The following SUGCT variants were observed in gnomAD, a reference collection of about 807,000 sequenced individuals.
SUGCT encodes succinyl-CoA:glutarate CoA-transferase.
Under a neutral mutation model 55.0 loss-of-function variants are expected in SUGCT, and 41 were observed. That is an observed-to-expected ratio of 0.74 (90% CI 0.58 to 0.97). The LOEUF is 0.97. SUGCT is among the 50% of genes least tolerant of loss of function. SUGCT has a pLI of 0.00. For missense variants in SUGCT, 568 were observed against 547.8 expected, an observed-to-expected ratio of 1.04 and a Z score of -0.37; for synonymous variants, 187 against 200.4, an observed-to-expected ratio of 0.93 and a Z score of 0.56.
intron 13 of SUGCT, among the ~76,000 whole-genome samples, chr7:40,802,469 G>A (rs1214113281): frequency 2.6e-5 from 4 of 152,088 alleles, no homozygotes; most frequent in Admixed American, 2.6e-4. Flanking sequence ...CTGATCCCCT[G>A]TCTTGTTCAT....
At chr7:40,882,692 G>A in the SUGCT span, among the ~76,000 whole-genome samples, 1 of 152,140 alleles carries the variant, frequency 6.6e-6, no homozygotes, top group Non-Finnish European at 1.5e-5. Flanking sequence ...TCCTGAAATT[G>A]CATAAATGTA....
intron 12 of SUGCT, among the ~76,000 whole-genome samples, chr7:40,559,384 T>C (rs1795722591): frequency 2.0e-5 from 3 of 152,224 alleles, no homozygotes; most frequent in Non-Finnish European, 4.4e-5. Flanking sequence ...CTTCCAATGT[T>C]GTATGTCTTA....
intron 12 of SUGCT, among the ~76,000 whole-genome samples, chr7:40,649,626 GT>G (rs1332573733): frequency 1.3e-5 from 2 of 152,072 alleles, no homozygotes; most frequent in African/African-American, 4.8e-5. Flanking sequence ...TTGATTGTTG[GT>G]TTAATTGGTT....
At chr7:40,864,804 T>C (rs891191685), downstream of SUGCT, among the ~76,000 whole-genome samples, 20 of 152,158 alleles carry the variant, frequency 1.3e-4, no homozygotes, top group African/African-American at 4.3e-4. Flanking sequence ...ACAGGCAGAA[T>C]GAACCCAGCC....
intron 9 of SUGCT, among the ~76,000 whole-genome samples, chr7:40,407,562 CAA>C (rs1238492087): frequency 6.6e-6 from 1 of 150,912 alleles, no homozygotes; most frequent in African/African-American, 2.4e-5. Flanking sequence ...AAGATCATGC[CAA>C]AAAAAAGAGT....
At chr7:40,931,479 A>G in the SUGCT span, among the ~76,000 whole-genome samples, 1 of 152,154 alleles carries the variant, frequency 6.6e-6, no homozygotes, top group Admixed American at 6.6e-5. Flanking sequence ...ATTGATTGGA[A>G]TAGTTTCAGA....
At chr7:40,632,340 A>G (rs1387705560) in intron 12 of SUGCT, among the ~76,000 whole-genome samples, 1 of 151,978 alleles carries the variant, frequency 6.6e-6, no homozygotes, top group Non-Finnish European at 1.5e-5. Context: ...GTGTATAACT[A>G]GTAAATGCCA....
intron 8 of SUGCT, among the ~76,000 whole-genome samples, chr7:40,294,686 A>G (rs1377559127): frequency 1.3e-5 from 2 of 152,078 alleles, no homozygotes; most frequent in Non-Finnish European, 2.9e-5. Flanking sequence ...AGCTGGGATT[A>G]CAGGTGCCCA....
chr7:40,971,191 C>T, the SUGCT span, among the ~76,000 whole-genome samples: 7 of 152,024 alleles, frequency 4.6e-5, no homozygotes, highest in Non-Finnish European at 8.8e-5. Context: ...ATGGCAAGAG[C>T]GGGAGCAAGA....
At chr7:40,340,223 A>G (rs755838346) in intron 9 of SUGCT, among the ~76,000 whole-genome samples, 2 of 152,238 alleles carry the variant, frequency 1.3e-5, no homozygotes, top group Non-Finnish European at 2.9e-5. Flanking sequence ...ACATAGGGCA[A>G]GAAGTGTTAG....
chr7:40,225,098 A>T lies in SUGCT; in HGVS notation c.485-12537A>T, dbSNP rs565042582. 1.2e-4 allele frequency among the ~76,000 whole-genome samples: 18 copies of T among 152,354 alleles called. No individual in the cohort carries two copies. The East Asian group carries it at 2.1e-3, about 18-fold the overall frequency. On this transcript the variant is annotated intron_variant, in intron 6 of 13. Coordinates refer to ENST00000335693, the MANE Select transcript of SUGCT (RefSeq NM_001193313.2). ...CGTATGCATATGAAACAATTGCCAG[A>T]CAAAACATACCTTTATATATTAGCG...
intron 12 of SUGCT, among the ~76,000 whole-genome samples, chr7:40,639,304 A>T (rs1286182286): frequency 6.6e-6 from 1 of 152,206 alleles, no homozygotes; most frequent in East Asian, 1.9e-4. Context: ...CAAAAAAATC[A>T]GTTCTAATTA....
the SUGCT span, among the ~76,000 whole-genome samples, chr7:40,971,657 T>C: frequency 6.6e-6 from 1 of 152,160 alleles, no homozygotes; most frequent in East Asian, 1.9e-4. Flanking sequence ...GCACCTCAGA[T>C]TCTAAATGTT....
intron 13 of SUGCT, among the ~76,000 whole-genome samples, chr7:40,756,589 A>G (rs1788263705): frequency 1.3e-5 from 2 of 152,160 alleles, no homozygotes; most frequent in Non-Finnish European, 2.9e-5. Flanking sequence ...AAGTGCAGTT[A>G]AATTTCTATA....
At position 40,717,475 on chromosome 7, in the gene SUGCT, G is replaced by T. The variant is rs190185631; in HGVS notation, c.1090-31959G>T. On this transcript the variant is annotated intron_variant, in intron 12 of 13. Coordinates refer to ENST00000335693, the MANE Select transcript of SUGCT (RefSeq NM_001193313.2). ...CCCATTTCCCCCAGGGCACATGTCG[G>T]GCTCCAGTCCACTGTGGGCATGCCC... Among the ~76,000 whole-genome samples the T allele has an allele frequency of 1.4e-4, 22 of 152,296 alleles. No homozygotes were observed. The East Asian group carries it at 4.3e-3, about 29-fold the overall frequency.
chr7:40,220,091 A>G (rs1165969711), intron 6 of SUGCT, among the ~76,000 whole-genome samples: 1 of 152,180 alleles, frequency 6.6e-6, no homozygotes, highest in African/African-American at 2.4e-5. Context: ...CTTTGCACCA[A>G]TGATGCTTTT....
chr7:40,135,222 A>G, intron 1 of SUGCT, 102 bp downstream of exon 1: 1 of 1,345,062 alleles, frequency 7.4e-7, no homozygotes, highest in Non-Finnish European at 9.8e-7. Flanking sequence ...GTCTCTGCTG[A>G]CCCCTTAGCG....
At chr7:40,947,212 C>T in the SUGCT span, among the ~76,000 whole-genome samples, 5 of 152,152 alleles carry the variant, frequency 3.3e-5, no homozygotes, top group Non-Finnish European at 5.9e-5. Context: ...CCTCTGCCAG[C>T]TCAAATCTGC....
the SUGCT span, among the ~76,000 whole-genome samples, chr7:40,936,782 T>C: frequency 3.9e-5 from 6 of 152,154 alleles, no homozygotes. Flanking sequence ...TTATATATTA[T>C]GATATGTTGC....
Sources: gnomAD v4.1 joint callset for allele counts (sites outside exome capture counted in the v4.1 genomes callset) on GRCh38, gnomAD v4.1.1 for gene constraint, MANE v1.5 for transcripts, NCBI Gene and HGNC (gene_info 2026-07-23, HGNC 2026-07-21) for gene names.